SGMS1: variants seen among roughly 807,000 people sequenced by gnomAD.
The protein encoded by SGMS1 is phosphatidylcholine:ceramide cholinephosphotransferase 1.
SGMS1 carries 13 observed loss-of-function variants against 46.2 expected under a neutral mutation model. The observed-to-expected ratio is 0.28, with a 90% CI of 0.18 to 0.45. The LOEUF (loss-of-function observed/expected upper bound fraction) is 0.45. Ranked by LOEUF, SGMS1 falls within the 20% of genes least tolerant of loss-of-function variation. The probability of loss-of-function intolerance (pLI) is 1.00; values close to 1 mark genes in which losing one functional copy is unlikely to be tolerated. For missense variants in SGMS1, 324 were observed against 519.9 expected (o/e 0.62, Z 3.66); for synonymous variants, 203 against 187.8 (o/e 1.08, Z -0.66).
In SGMS1 at chr10:50,451,150, A is replaced by T. The variant is rs572158117; in HGVS notation, c.-313+9523T>A. On this transcript the variant is annotated intron_variant, in intron 5 of 10. Coordinates refer to ENST00000361781, the MANE Select transcript of SGMS1 (RefSeq NM_147156.4). ...GAGATCTGTCAAGCTTACACATTTT[A>T]AAAAATTAAAACTTCCAAACACAGC... 2.0e-5 allele frequency among the ~76,000 whole-genome samples: 3 copies of T among 152,110 alleles called. No individual in the cohort carries two copies. In the South Asian group the frequency reaches 6.2e-4, roughly 32 times the overall value.
chr10:50,354,866 G>A (rs1421059829), intron 6 of SGMS1, among the ~76,000 whole-genome samples: 1 of 152,176 alleles, frequency 6.6e-6, no homozygotes, highest in African/African-American at 2.4e-5. Flanking sequence ...GACCATCAGA[G>A]AAATGCAAAT....
chr10:50,597,271 T>C (rs1838603280), intron 1 of SGMS1, among the ~76,000 whole-genome samples: 1 of 152,204 alleles, frequency 6.6e-6, no homozygotes, highest in African/African-American at 2.4e-5. Context: ...AAAATCATCA[T>C]GAAATACCAT....
intron 3 of SGMS1, among the ~76,000 whole-genome samples, chr10:50,518,555 T>C (rs188990649): frequency 3.3e-5 from 5 of 152,252 alleles, no homozygotes; most frequent in African/African-American, 1.2e-4. Flanking sequence ...GCCTCCCTAG[T>C]AGCTGAGATT....
At chr10:50,413,850 A>C (rs1849133156) in intron 6 of SGMS1, among the ~76,000 whole-genome samples, 1 of 152,226 alleles carries the variant, frequency 6.6e-6, no homozygotes, top group Admixed American at 6.5e-5. Flanking sequence ...CATACACCAA[A>C]CTATAGCTCC....
intron 2 of SGMS1, 91 bp from the exon 3 acceptor site, chr10:50,520,012 T>A (rs1426502394): frequency 6.6e-6 from 1 of 152,134 alleles, no homozygotes; most frequent in African/African-American, 2.4e-5. Flanking sequence ...TATAATCAAA[T>A]CAATTAAAAA....
At chr10:50,624,408 T>A (rs1170503971), upstream of SGMS1, among the ~76,000 whole-genome samples, 2 of 152,132 alleles carry the variant, frequency 1.3e-5, no homozygotes, top group Non-Finnish European at 2.9e-5. Flanking sequence ...TAATGCCCAA[T>A]GGATCATTCC....
At chr10:50,556,509 G>A (rs1049264978) in intron 2 of SGMS1, among the ~76,000 whole-genome samples, 20 of 152,160 alleles carry the variant, frequency 1.3e-4, no homozygotes, top group African/African-American at 4.3e-4. Flanking sequence ...CAGGGAAAGC[G>A]GAAACAGGTG....
At position 50,587,637 on chromosome 10, in the gene SGMS1, G is replaced by A. The variant is rs866816384; in HGVS notation, c.-589+2516C>T. ...AGACTGCATCTCAAAATATATATGT[G>A]TGTGTGTGTGTGTGTGTGTGTGTGT... On this transcript the variant is annotated intron_variant, in intron 2 of 10. Coordinates refer to ENST00000361781, the MANE Select transcript of SGMS1 (RefSeq NM_147156.4). Among the ~76,000 whole-genome samples the A allele has an allele frequency of 3.3e-3, 436 of 133,990 alleles. 2 individuals carry two copies. The highest frequency in any genetic ancestry group is 0.011 in the East Asian group (56 of 5,020). 87.9% of individuals were successfully genotyped at this position (133,990 alleles called of 152,430 possible).
chr10:50,358,753 C>T (rs2133406991), intron 6 of SGMS1, among the ~76,000 whole-genome samples: 1 of 152,288 alleles, frequency 6.6e-6, no homozygotes, highest in South Asian at 2.1e-4. Context: ...CACTGAAATA[C>T]TCATGAGATA....
At chr10:50,409,457 A>G (rs1202665908) in intron 6 of SGMS1, among the ~76,000 whole-genome samples, 1 of 152,174 alleles carries the variant, frequency 6.6e-6, no homozygotes, top group Non-Finnish European at 1.5e-5. Flanking sequence ...ATTCCTCTAC[A>G]GTCTTCCCAA....
chr10:50,553,241 C>T (rs1407360477), intron 2 of SGMS1, among the ~76,000 whole-genome samples: 5 of 152,168 alleles, frequency 3.3e-5, no homozygotes, highest in South Asian at 4.1e-4. Context: ...GTGGTTAACA[C>T]TCTGGACCTG....
At chr10:50,502,215 A>G (rs1837667161) in intron 3 of SGMS1, among the ~76,000 whole-genome samples, 1 of 150,758 alleles carries the variant, frequency 6.6e-6, no homozygotes, top group South Asian at 2.1e-4. Context: ...CTGCTTACCT[A>G]GGTAATCATC....
At chr10:50,601,993 CT>C (rs1346964912) in intron 1 of SGMS1, among the ~76,000 whole-genome samples, 1 of 152,192 alleles carries the variant, frequency 6.6e-6, no homozygotes, top group Admixed American at 6.5e-5. Flanking sequence ...AAATTTTCCA[CT>C]TGTGGAGTCA....
intron 2 of SGMS1, among the ~76,000 whole-genome samples, chr10:50,531,063 C>A (rs931495645): frequency 6.6e-6 from 1 of 151,976 alleles, no homozygotes; most frequent in Non-Finnish European, 1.5e-5. Context: ...TTATACAGGA[C>A]AATCCCAGAA....
At chr10:50,418,182 C>T (rs1003294191) in intron 6 of SGMS1, 1 of 152,140 alleles carries the variant, frequency 6.6e-6, no homozygotes, top group African/African-American at 2.4e-5. Flanking sequence ...AAGGCGAGCG[C>T]GCTGAGCGGC....
intron 2 of SGMS1, among the ~76,000 whole-genome samples, chr10:50,556,722 T>C (rs1400521912): frequency 1.3e-5 from 2 of 152,216 alleles, no homozygotes; most frequent in African/African-American, 4.8e-5. Context: ...CAGAATTTAG[T>C]TGGAAATTTA....
intron 1 of SGMS1, among the ~76,000 whole-genome samples, chr10:50,619,877 G>GT (rs1838832943): frequency 6.6e-6 from 1 of 152,298 alleles, no homozygotes; most frequent in African/African-American, 2.4e-5. Flanking sequence ...TGACATATTA[G>GT]TTTAAAAAGA....
intron 6 of SGMS1, among the ~76,000 whole-genome samples, chr10:50,366,220 AAC>A: frequency 6.6e-6 from 1 of 152,356 alleles, no homozygotes; most frequent in South Asian, 2.1e-4. Flanking sequence ...AAGGAACTTA[AAC>A]AAATTTATAA....
intron 6 of SGMS1, among the ~76,000 whole-genome samples, chr10:50,430,754 T>C (rs957631587): frequency 2.2e-4 from 33 of 152,174 alleles, no homozygotes; most frequent in African/African-American, 8.0e-4. Flanking sequence ...TCTTTTATAA[T>C]ACCTACCACA....
Sources: gnomAD v4.1 joint callset for allele counts (sites outside exome capture counted in the v4.1 genomes callset) on GRCh38, gnomAD v4.1.1 for gene constraint, MANE v1.5 for transcripts, NCBI Gene and HGNC (gene_info 2026-07-23, HGNC 2026-07-21) for gene names.